COPS3: variants seen among roughly 807,000 people sequenced by gnomAD.
COPS3 encodes COP9 signalosome complex subunit 3.
In COPS3, 10 loss-of-function variants were observed where a neutral mutation model predicts 58.2. The ratio of observed to expected loss-of-function variants is 0.17; its 90% CI spans 0.11 to 0.29. COPS3 has a LOEUF of 0.29. COPS3 is among the 10% of genes least tolerant of loss of function. The pLI is 1.00. For missense variants in COPS3, 333 were observed against 510.1 expected (o/e 0.65, Z 3.34); for synonymous variants, 187 against 181.7 (o/e 1.03, Z -0.24).
chr17:17,255,116 A>G (rs1404052171), intron 8 of COPS3, 171 bp from the exon 9 acceptor site: 29 of 506,120 alleles, frequency 5.7e-5, no homozygotes, highest in Non-Finnish European at 6.4e-5. Context: ...CTTGGCTAAC[A>G]TGGTGAAACC....
chr17:17,278,428 T>C (rs1314106779), intron 1 of COPS3, among the ~76,000 whole-genome samples: 2 of 152,240 alleles, frequency 1.3e-5, no homozygotes, highest in Non-Finnish European at 2.9e-5. Flanking sequence ...CTTTTCAATT[T>C]GATACATTTT....
At chr17:17,265,493 G>A (rs2048202301) in intron 5 of COPS3, among the ~76,000 whole-genome samples, 1 of 151,794 alleles carries the variant, frequency 6.6e-6, no homozygotes, top group African/African-American at 2.4e-5. Context: ...CCACCTCCCG[G>A]GTTCAAGTGA....
intron 9 of COPS3, 106 bp downstream of exon 9, chr17:17,254,753 T>C: frequency 1.6e-6 from 1 of 618,514 alleles, no homozygotes; most frequent in Admixed American, 3.7e-5. Context: ...GAGGTTGCAG[T>C]GAGCCAAGAC....
chr17:17,258,923 T>C (rs1036204841), intron 8 of COPS3, among the ~76,000 whole-genome samples: 1 of 152,050 alleles, frequency 6.6e-6, no homozygotes, highest in Non-Finnish European at 1.5e-5. Flanking sequence ...CTTTCTAGAG[T>C]ATTTGGAAGG....
chr17:17,278,077 G>A (rs1419424759), intron 1 of COPS3, among the ~76,000 whole-genome samples: 1 of 152,114 alleles, frequency 6.6e-6, no homozygotes, highest in Non-Finnish European at 1.5e-5. Context: ...CTTGAACCCG[G>A]GAGATGGAGG....
intron 4 of COPS3, among the ~76,000 whole-genome samples, chr17:17,268,965 A>G (rs971850620): frequency 1.3e-5 from 2 of 152,204 alleles, no homozygotes; most frequent in Non-Finnish European, 2.9e-5. Context: ...TAGTACTACA[A>G]AATAACAACT....
chr17:17,267,868 A>G lies in COPS3; in HGVS notation c.441+17T>C. 6.2e-7 allele frequency: 1 copy of G among 1,612,116 alleles called. No homozygotes were observed. Among genetic ancestry groups the G allele is most frequent in the South Asian group, 1.1e-5 (1 of 90,832 alleles). ...ACACCTCTGACTTGGTGTGAATCAC[A>G]CACTTTGGTTGCTTACCTGGCAGAG... On this transcript the variant is annotated intron_variant, in intron 5 of 11. Coordinates refer to ENST00000268717, the MANE Select transcript of COPS3 (RefSeq NM_003653.4).
At chr17:17,277,355 C>T (rs1228193670) in intron 1 of COPS3, among the ~76,000 whole-genome samples, 1 of 152,190 alleles carries the variant, frequency 6.6e-6, no homozygotes, top group African/African-American at 2.4e-5. Flanking sequence ...GTTCATCAAG[C>T]AGCTACTTGT....
At chr17:17,254,817 A>AAG in intron 9 of COPS3, 42 bp downstream of exon 9, 1 of 1,224,378 alleles carries the variant, frequency 8.2e-7, no homozygotes. Flanking sequence ...TCAAAAAGAA[A>AAG]AAAAAAAAAA....
At chr17:17,270,675 C>A (rs1436953285) in intron 4 of COPS3, 83 bp downstream of exon 4, 2 of 1,260,128 alleles carry the variant, frequency 1.6e-6, no homozygotes, top group East Asian at 2.5e-5. Flanking sequence ...TCAGTACTAA[C>A]TGGAATCTTG....
rs941386644 is a variant in COPS3, at chr17:17,260,605, A to G, written c.763-131T>C. ...AATCACCTGGGGTCAGGGGTTAAAC[A>G]CCAGCCTGACCAACATGAAGAAACC... On this transcript the variant is annotated intron_variant, in intron 7 of 11. Coordinates refer to ENST00000268717, the MANE Select transcript of COPS3 (RefSeq NM_003653.4). 5.2e-5 allele frequency: 36 copies of G among 695,136 alleles called. No homozygotes were observed. The African/African-American group carries it at 6.5e-4, about 13-fold the overall frequency. 43.1% of individuals were successfully genotyped at this position (695,136 alleles called of 1,614,324 possible).
chr17:17,275,989 G>A, intron 2 of COPS3, 46 bp downstream of exon 2: 1 of 1,551,154 alleles, frequency 6.4e-7, no homozygotes. Flanking sequence ...AGTGCACAGT[G>A]TTCCATTTTA....
intron 6 of COPS3, among the ~76,000 whole-genome samples, chr17:17,262,322 G>A (rs577738715): frequency 1.3e-5 from 2 of 152,150 alleles, no homozygotes; most frequent in Non-Finnish European, 2.9e-5. Flanking sequence ...GCGCAGTGAT[G>A]TAATTATGGC....
intron 10 of COPS3, 69 bp from the exon 11 acceptor site, chr17:17,247,629 A>G (rs2047752332): frequency 2.0e-6 from 3 of 1,469,686 alleles, no homozygotes; most frequent in South Asian, 1.1e-5. Flanking sequence ...TCTAACTTAC[A>G]CTGTTCACAA....
intron 4 of COPS3, among the ~76,000 whole-genome samples, chr17:17,269,931 A>G (rs934667059): frequency 7.2e-5 from 11 of 152,174 alleles, no homozygotes; most frequent in Non-Finnish European, 1.3e-4. Flanking sequence ...CCAAGGCGGG[A>G]GGATTGCCTG....
At position 17,260,363 on chromosome 17, in the gene COPS3, T is replaced by A. The variant is rs563225822; in HGVS notation, c.874A>T (p.Met292Leu). The change falls in exon 8 of 12, where the codon ATG becomes TTG. Residue 292 changes from methionine to leucine, a missense_variant. Coordinates refer to ENST00000268717, the MANE Select transcript of COPS3 (RefSeq NM_003653.4). Reference sequence around the variant, plus strand: ...GACAAGCATTGCTTCACCAGCCCCATGTTGTTATCGCGAGTGAAGGTTTCA... The same window carrying A: ...GACAAGCATTGCTTCACCAGCCCCAAGTTGTTATCGCGAGTGAAGGTTTCA... The part of the protein sequence containing the change: ...HSETFTRDNN[M>L]GLVKQCLSSL... The A allele has an allele frequency of 2.5e-6, 4 of 1,614,180 alleles. No individual in the cohort carries two copies. In the East Asian group the frequency reaches 8.9e-5, roughly 36 times the overall value.
chr17:17,254,583 G>A (rs563636014), intron 9 of COPS3, among the ~76,000 whole-genome samples: 10 of 152,110 alleles, frequency 6.6e-5, no homozygotes, highest in Admixed American at 1.3e-4. Context: ...AGCCCGAGGC[G>A]GGCAGATCAC....
At chr17:17,267,237 C>T (rs2048243062) in intron 5 of COPS3, among the ~76,000 whole-genome samples, 1 of 150,200 alleles carries the variant, frequency 6.7e-6, no homozygotes, top group Non-Finnish European at 1.5e-5. Context: ...ACTCGGGAGG[C>T]TGAGGCGGGA....
chr17:17,267,859 G>A (rs1332545160), intron 5 of COPS3, 26 bp downstream of exon 5: 2 of 1,609,900 alleles, frequency 1.2e-6, no homozygotes, highest in African/African-American at 2.7e-5. Flanking sequence ...CTGACTTGGT[G>A]TGAATCACAC....
Sources: allele counts gnomAD v4.1 joint callset (sites outside exome capture counted in the v4.1 genomes callset), GRCh38; gene constraint gnomAD v4.1.1; transcripts MANE v1.5; gene names NCBI Gene and HGNC (gene_info 2026-07-23, HGNC 2026-07-21).